FGF14: variants seen among roughly 807,000 people sequenced by gnomAD.
FGF14 encodes fibroblast growth factor homologous factor 4.
FGF14 carries 5 observed loss-of-function variants against 25.5 expected under a neutral mutation model. The observed-to-expected ratio is 0.20, with a 90% CI of 0.10 to 0.41. The LOEUF (loss-of-function observed/expected upper bound fraction) is 0.41. Ranked by LOEUF, FGF14 falls within the 10% of genes least tolerant of loss-of-function variation. The probability of loss-of-function intolerance (pLI) is 1.00; values close to 1 mark genes in which losing one functional copy is unlikely to be tolerated. For synonymous variants in FGF14, 138 were observed against 118.3 expected (o/e 1.17, Z -1.08); for missense variants, 222 against 320.1 (o/e 0.69, Z 2.34).
chr13:101,971,541 T>G (rs2037594396), intron 1 of FGF14, among the ~76,000 whole-genome samples: 1 of 152,112 alleles, frequency 6.6e-6, no homozygotes. Context: ...TGGCTAATTT[T>G]TTGTACTTTT....
chr13:101,792,791 G>A (rs1449302431), intron 3 of FGF14, among the ~76,000 whole-genome samples: 1 of 151,990 alleles, frequency 6.6e-6, no homozygotes, highest in Non-Finnish European at 1.5e-5. Flanking sequence ...ATTTAGCAAG[G>A]GGCCCTATAG....
chr13:101,940,878 C>G (rs1394536390), intron 1 of FGF14, among the ~76,000 whole-genome samples: 1 of 151,952 alleles, frequency 6.6e-6, no homozygotes, highest in Non-Finnish European at 1.5e-5. Context: ...ATTTTTCATT[C>G]ATAAGCAAAT....
intron 1 of FGF14, among the ~76,000 whole-genome samples, chr13:101,943,935 G>A (rs1238351983): frequency 2.7e-5 from 4 of 149,382 alleles, no homozygotes; most frequent in African/African-American, 9.8e-5. Flanking sequence ...CCAGGAGGCG[G>A]GGTTGTGGTG....
intron 1 of FGF14, chr13:102,045,916 A>G (rs368156914): frequency 3.2e-5 from 5 of 154,024 alleles, no homozygotes; most frequent in African/African-American, 1.2e-4. Context: ...GAATGGCTAG[A>G]AGAGCTGAAC....
chr13:102,118,576 A>T (rs2045577398), intron 1 of FGF14, among the ~76,000 whole-genome samples: 1 of 152,138 alleles, frequency 6.6e-6, no homozygotes, highest in Admixed American at 6.5e-5. Flanking sequence ...AACTGATCAG[A>T]CATTAACAGT....
chr13:102,207,303 A>T (rs1013832574), intron 1 of FGF14, among the ~76,000 whole-genome samples: 44 of 151,932 alleles, frequency 2.9e-4, no homozygotes, highest in East Asian at 1.9e-3. Flanking sequence ...AATAAATAAA[A>T]GAAAGAAAAA....
At chr13:102,005,380 G>A (rs1451360226) in intron 1 of FGF14, among the ~76,000 whole-genome samples, 4 of 152,182 alleles carry the variant, frequency 2.6e-5, no homozygotes, top group African/African-American at 9.6e-5. Context: ...TGTGTTCAAT[G>A]CCAGCACCAT....
intron 1 of FGF14, among the ~76,000 whole-genome samples, chr13:101,954,647 C>T (rs934143366): frequency 1.3e-5 from 2 of 152,238 alleles, no homozygotes; most frequent in East Asian, 1.9e-4. Context: ...CTGAGCTATG[C>T]TCCCATGGCC....
chr13:101,723,268 A>AAC lies in FGF14; in HGVS notation c.608-303_608-302dup, dbSNP rs36111495. On this transcript the variant is annotated intron_variant, in intron 4 of 4. Coordinates refer to ENST00000376143, the MANE Select transcript of FGF14 (RefSeq NM_004115.4). ...GCCTCTTTGTGGGTCCATGATGTAA[A>AAC]ACACACACACACACACACACTATAG... Among the ~76,000 whole-genome samples, 75,409 of 149,974 alleles carry AAC rather than the reference A, an allele frequency of 0.5. 19,735 individuals carry two copies. Among genetic ancestry groups the AAC allele is most frequent in the East Asian group, 0.85 (4,242 of 5,010 alleles).
chr13:101,771,565 T>C, intron 3 of FGF14, among the ~76,000 whole-genome samples: 1 of 152,226 alleles, frequency 6.6e-6, no homozygotes, highest in African/African-American at 2.4e-5. Flanking sequence ...GTAGTAAATT[T>C]TAGACTTCAG....
At chr13:101,896,736 T>A (rs2030742089) in intron 1 of FGF14, among the ~76,000 whole-genome samples, 1 of 152,172 alleles carries the variant, frequency 6.6e-6, no homozygotes, top group Admixed American at 6.5e-5. Context: ...TATATCTGTG[T>A]GTGTGCTTTA....
At chr13:101,762,177 A>T (rs779471613) in intron 3 of FGF14, among the ~76,000 whole-genome samples, 57 of 152,176 alleles carry the variant, frequency 3.7e-4, no homozygotes, top group African/African-American at 1.3e-3. Flanking sequence ...CATGCTTTGG[A>T]AAAGCTTGGA....
chr13:102,264,274 C>G (rs2052869185), intron 1 of FGF14, among the ~76,000 whole-genome samples: 1 of 152,038 alleles, frequency 6.6e-6, no homozygotes, highest in African/African-American at 2.4e-5. Context: ...CAATGCAGTG[C>G]TGAACACTGA....
intron 1 of FGF14, among the ~76,000 whole-genome samples, chr13:102,290,659 T>C (rs1486018649): frequency 6.6e-6 from 1 of 152,176 alleles, no homozygotes; most frequent in Non-Finnish European, 1.5e-5. Flanking sequence ...CAATGTAGTA[T>C]TGTGTCCTTC....
chr13:101,976,232 A>G (rs1161520734), intron 1 of FGF14, among the ~76,000 whole-genome samples: 1 of 152,122 alleles, frequency 6.6e-6, no homozygotes, highest in Non-Finnish European at 1.5e-5. Flanking sequence ...CTCAATTCAT[A>G]GCGCTATTAA....
At chr13:102,056,505 T>C (rs879533326) in intron 1 of FGF14, among the ~76,000 whole-genome samples, 1 of 152,182 alleles carries the variant, frequency 6.6e-6, no homozygotes, top group African/African-American at 2.4e-5. Context: ...AGTAGATACT[T>C]ACATAATAAA....
chr13:101,862,815 T>C (rs1027220002), intron 3 of FGF14, among the ~76,000 whole-genome samples: 1 of 152,102 alleles, frequency 6.6e-6, no homozygotes, highest in Non-Finnish European at 1.5e-5. Context: ...CTGGCAGATA[T>C]ATCCAACTGA....
chr13:102,039,332 C>T (rs372674931), intron 1 of FGF14, among the ~76,000 whole-genome samples: 8 of 152,040 alleles, frequency 5.3e-5, no homozygotes, highest in African/African-American at 1.9e-4. Flanking sequence ...GAGAAAAAGC[C>T]CACAGCTTCC....
In FGF14 at chr13:101,894,950, G is replaced by A. The variant is rs115404129; in HGVS notation, c.194-19654C>T. Among the ~76,000 whole-genome samples the A allele has an allele frequency of 7.4e-3, 1,121 of 152,176 alleles. 10 individuals carry two copies. The highest frequency in any genetic ancestry group is 9.3e-3 in the African/African-American group (388 of 41,526). On this transcript the variant is annotated intron_variant, in intron 1 of 4. Coordinates refer to ENST00000376143, the MANE Select transcript of FGF14 (RefSeq NM_004115.4). ...TAACCTTAGACAACAAAATAAAATAGATGAAAACATTTTTTGCCCTCATTT... is the reference window on the plus strand; with the variant it reads ...TAACCTTAGACAACAAAATAAAATAAATGAAAACATTTTTTGCCCTCATTT...
Sources: gnomAD v4.1 joint callset for allele counts (sites outside exome capture counted in the v4.1 genomes callset) on GRCh38, gnomAD v4.1.1 for gene constraint, MANE v1.5 for transcripts, NCBI Gene and HGNC (gene_info 2026-07-23, HGNC 2026-07-21) for gene names.